SNX3: variants seen among roughly 807,000 people sequenced by gnomAD.
SNX3 encodes the protein sorting nexin-3.
Under a neutral mutation model 17.7 loss-of-function variants are expected in SNX3, and 5 were observed. That is an observed-to-expected ratio of 0.28 (90% CI 0.15 to 0.59). The LOEUF (loss-of-function observed/expected upper bound fraction) is 0.59. Ranked by LOEUF, SNX3 falls within the 20% of genes least tolerant of loss-of-function variation. The pLI is 0.88. For missense variants in SNX3, 132 were observed against 206.8 expected, an observed-to-expected ratio of 0.64 and a Z score of 2.22; for synonymous variants, 91 against 76.5, an observed-to-expected ratio of 1.19 and a Z score of -0.99.
chr6:108,227,334 C>T (rs1775005315), intron 1 of SNX3, among the ~76,000 whole-genome samples: 2 of 152,068 alleles, frequency 1.3e-5, no homozygotes, highest in African/African-American at 4.8e-5. Context: ...GAAAAGAGTC[C>T]CCTAAGAATT....
intron 3 of SNX3, among the ~76,000 whole-genome samples, chr6:108,213,708 CACAG>C (rs2114702308): frequency 6.6e-6 from 1 of 151,512 alleles, no homozygotes; most frequent in South Asian, 2.1e-4. Flanking sequence ...AAAACAGATT[CACAG>C]ACAATGAATA....
At chr6:108,254,797 G>C (rs1401571743) in intron 1 of SNX3, among the ~76,000 whole-genome samples, 1 of 152,172 alleles carries the variant, frequency 6.6e-6, no homozygotes, top group Admixed American at 6.5e-5. Flanking sequence ...CATTAAGGCT[G>C]AGTCCTGCAG....
chr6:108,239,356 C>T (rs991652576), intron 1 of SNX3, among the ~76,000 whole-genome samples: 4 of 152,096 alleles, frequency 2.6e-5, no homozygotes, highest in African/African-American at 9.7e-5. Context: ...TTAAAATGAG[C>T]CAGGTGCAGT....
chr6:108,218,065 G>A (rs1774643605), intron 2 of SNX3, among the ~76,000 whole-genome samples: 1 of 152,162 alleles, frequency 6.6e-6, no homozygotes, highest in Non-Finnish European at 1.5e-5. Flanking sequence ...AATGTTAAAT[G>A]TGAAGTATTG....
chr6:108,230,513 A>C (rs1282531870), intron 1 of SNX3, among the ~76,000 whole-genome samples: 2 of 152,176 alleles, frequency 1.3e-5, no homozygotes, highest in Non-Finnish European at 2.9e-5. Context: ...AGCAAAAGTA[A>C]AGTACAGCAT....
At chr6:108,247,328 C>T (rs1014534432) in intron 1 of SNX3, among the ~76,000 whole-genome samples, 13 of 151,898 alleles carry the variant, frequency 8.6e-5, no homozygotes, top group Middle Eastern at 3.4e-3. Flanking sequence ...AAACAGGAAA[C>T]GATTATTGCT....
chr6:108,244,393 G>T (rs1220458340), intron 1 of SNX3, among the ~76,000 whole-genome samples: 1 of 152,094 alleles, frequency 6.6e-6, no homozygotes, highest in Non-Finnish European at 1.5e-5. Flanking sequence ...GACCTCAAGT[G>T]ATCCTCCTGC....
chr6:108,259,160 T>C (rs750233267), intron 1 of SNX3, among the ~76,000 whole-genome samples: 39 of 152,352 alleles, frequency 2.6e-4, no homozygotes, highest in Non-Finnish European at 4.9e-4. Context: ...GGTTTATGTA[T>C]GAATGTAGTT....
intron 3 of SNX3, among the ~76,000 whole-genome samples, 157 bp downstream of exon 3, chr6:108,214,339 CAT>C (rs1250300115): frequency 2.6e-5 from 4 of 152,170 alleles, no homozygotes; most frequent in South Asian, 2.1e-4. Context: ...ATATTTATCA[CAT>C]GATATTCAAC....
chr6:108,252,597 T>C (rs1317324437), intron 1 of SNX3: 3 of 152,206 alleles, frequency 2.0e-5, no homozygotes, highest in African/African-American at 7.2e-5. Flanking sequence ...CTATAAAATC[T>C]TCTGCTTCCA....
intron 1 of SNX3, among the ~76,000 whole-genome samples, chr6:108,241,931 G>A (rs1213471022): frequency 6.6e-6 from 1 of 152,160 alleles, no homozygotes; most frequent in Non-Finnish European, 1.5e-5. Flanking sequence ...AGGAAACCAT[G>A]CTTAAAGAAC....
intron 2 of SNX3, among the ~76,000 whole-genome samples, chr6:108,221,084 A>G (rs906061021): frequency 2.0e-5 from 3 of 152,172 alleles, no homozygotes; most frequent in Admixed American, 2.0e-4. Context: ...CTCATAAATA[A>G]ATCTGCAACT....
At chr6:108,242,322 T>C (rs1775545944) in intron 1 of SNX3, among the ~76,000 whole-genome samples, 1 of 152,034 alleles carries the variant, frequency 6.6e-6, no homozygotes, top group Non-Finnish European at 1.5e-5. Context: ...TCCAAGAAGC[T>C]CAATGAACTC....
At chr6:108,213,334 G>A (rs547370673) in intron 3 of SNX3, among the ~76,000 whole-genome samples, 3 of 152,110 alleles carry the variant, frequency 2.0e-5, no homozygotes, top group South Asian at 2.1e-4. Flanking sequence ...CTGGGCAACC[G>A]GACTATTATT....
intron 2 of SNX3, 151 bp downstream of exon 2, chr6:108,222,799 A>C (rs1774839274): frequency 1.5e-6 from 1 of 653,436 alleles, no homozygotes; most frequent in African/African-American, 1.8e-5. Flanking sequence ...ATTTACACAG[A>C]CTCTACCTCT....
intron 1 of SNX3, among the ~76,000 whole-genome samples, chr6:108,245,331 G>A (rs749112021): frequency 1.1e-4 from 16 of 151,988 alleles, no homozygotes; most frequent in African/African-American, 4.8e-5. Flanking sequence ...CGGTATATAC[G>A]TGCATTTTCT....
chr6:108,260,703 G>T (rs1262582186), intron 1 of SNX3, 57 bp downstream of exon 1: 4 of 1,600,226 alleles, frequency 2.5e-6, no homozygotes, highest in Non-Finnish European at 3.4e-6. Flanking sequence ...CGGGTCGAGT[G>T]GGGGTGACCA....
At position 108,213,934 on chromosome 6, in the gene SNX3, A is replaced by G. The variant is rs76563460; in HGVS notation, c.383+564T>C. 2.6e-5 allele frequency among the ~76,000 whole-genome samples: 4 copies of G among 152,362 alleles called. No homozygotes were observed. The East Asian group carries it at 5.8e-4, about 22-fold the overall frequency. On this transcript the variant is annotated intron_variant, in intron 3 of 3. Transcript: ENST00000230085. ...AATCTTTCTAACACTCTGGCTTTCT[A>G]TTATTTTACAAAATAGCTATATTTC...
intron 1 of SNX3, among the ~76,000 whole-genome samples, chr6:108,248,172 T>C (rs1214530687): frequency 6.6e-6 from 1 of 152,180 alleles, no homozygotes; most frequent in African/African-American, 2.4e-5. Flanking sequence ...CACACACTCC[T>C]GGCCCCTCAG....
Sources: allele counts gnomAD v4.1 joint callset (sites outside exome capture counted in the v4.1 genomes callset), GRCh38; gene constraint gnomAD v4.1.1; transcripts MANE v1.5; gene names NCBI Gene and HGNC (gene_info 2026-07-23, HGNC 2026-07-21).